THBS3: variants seen among roughly 807,000 people sequenced by gnomAD.
THBS3 encodes the protein thrombospondin 3, also known as thrombospondin-3.
THBS3 carries 78 observed loss-of-function variants against 118.3 expected under a neutral mutation model. The observed-to-expected ratio is 0.66, with a 90% CI of 0.55 to 0.80. The LOEUF (loss-of-function observed/expected upper bound fraction) is 0.80. THBS3 is among the 30% of genes least tolerant of loss of function. The pLI, the probability that THBS3 is intolerant of heterozygous loss-of-function variation, is 0.00. For synonymous variants in THBS3, 427 were observed against 475.3 expected, an observed-to-expected ratio of 0.90 and a Z score of 1.32; for missense variants, 1,057 against 1,247.4, an observed-to-expected ratio of 0.85 and a Z score of 2.30.
rs911465605 is a variant in THBS3 at position 155,197,804 on chromosome 1, C to CT, written c.2302+75dup. The CT allele has an allele frequency of 9.3e-6, 15 of 1,606,278 alleles. No homozygotes were observed. The African/African-American group carries it at 1.7e-4, about 19-fold the overall frequency. On this transcript the variant is annotated intron_variant, in intron 19 of 22. Coordinates refer to ENST00000368378, the MANE Select transcript of THBS3 (RefSeq NM_007112.5). The surrounding 1 kb of genome is among the most constrained non-coding windows in gnomAD (Gnocchi z 5.0). ...TCGCCACTTTGCCCATTCTCCCTGT[C>CT]TGTTTCCTCCCCTACCCTCTGCCCC... is the stretch of plus-strand genomic sequence containing the variant.
Position 155,207,868 on chromosome 1 carries a change from C to T in THBS3, c.9G>A (p.Thr3=), listed in dbSNP as rs1231556663. The change falls in exon 1 of 23, where the codon ACG becomes ACA. Residue 3 remains threonine (T), a synonymous_variant. Transcript: ENST00000368378. ME[T]QELRGALALL... ...GAGCCAGGGCCCCCCGAAGTTCCTG[C>T]GTCTCCATGCCTCTCAGCCGGCTCA... 1 of 1,613,922 alleles carries T rather than the reference C, an allele frequency of 6.2e-7. No individual in the cohort carries two copies. Among genetic ancestry groups the T allele is most frequent in the Non-Finnish European group, 8.5e-7 (1 of 1,179,998 alleles).
chr1:155,203,447 A>C (rs1251186396), intron 5 of THBS3, 66 bp downstream of exon 5: 2 of 1,603,856 alleles, frequency 1.2e-6, no homozygotes, highest in African/African-American at 2.7e-5. Context: ...ACTTAGTTTC[A>C]GGCAGCTGCC....
chr1:155,209,015 G>T, upstream of THBS3: 1 of 1,583,704 alleles, frequency 6.3e-7, no homozygotes, highest in Non-Finnish European at 8.6e-7. Flanking sequence ...CGGGCCGACA[G>T]CGCTGTCCCG....
At position 155,197,210 on chromosome 1, in the gene THBS3, C is replaced by G; in HGVS notation, c.2503G>C (p.Val835Leu). The stretch of plus-strand genomic sequence containing the variant: ...TCACCTGGGCCAGACACTGATGTCA[C>G]TGCCTAGGAGACATTGGCAAAGACA... ...VAQPGLQLKAVTSVSGPGEHL... is the reference protein window; with the variant it reads ...VAQPGLQLKALTSVSGPGEHL... Residue 835 changes from valine (V) to leucine (L), a missense_variant, in exon 21 of 23, where the codon GTG (valine) becomes CTG (leucine). Val to Leu is a conservative substitution (Grantham distance 32). Around this residue, in one of 3 missense-constraint regions of THBS3, gnomAD observed 307 missense variants for 326.1 expected, o/e 0.94. Transcript: ENST00000368378. The surrounding 1 kb of genome is among the most constrained non-coding windows in gnomAD (Gnocchi z 5.0). 6.2e-7 allele frequency: 1 copy of G among 1,614,032 alleles called. No homozygotes were observed. The highest frequency in any genetic ancestry group is 1.1e-5 in the South Asian group (1 of 91,078).
rs1183054535 is a variant in THBS3 at position 155,203,498 on chromosome 1, G to T, written c.673+15C>A. 2 of 1,613,428 alleles carry T rather than the reference G, an allele frequency of 1.2e-6. No individual in the cohort carries two copies. Among genetic ancestry groups the T allele is most frequent in the Non-Finnish European group, 1.7e-6 (2 of 1,179,900 alleles). The stretch of plus-strand genomic sequence containing the variant: ...CTCCCCGCTCCCCGCTTCCGCTTCA[G>T]TGTGGCCTACTCACCTAGAATGGAG... On this transcript the variant is annotated intron_variant, in intron 5 of 22. Transcript: ENST00000368378.
intron 1 of THBS3, 146 bp downstream of exon 1, chr1:155,207,652 A>G: frequency 1.2e-6 from 1 of 805,586 alleles, no homozygotes; most frequent in South Asian, 1.8e-5. Context: ...CCATAATTTC[A>G]CCAACTCTAG....
chr1:155,204,792 A>C (rs772041999), intron 4 of THBS3, 63 bp downstream of exon 4: 5 of 1,430,336 alleles, frequency 3.5e-6, no homozygotes, highest in Non-Finnish European at 3.9e-6. Flanking sequence ...GATCAAGAAG[A>C]CAGGAGTCAC....
In THBS3 at chr1:155,200,616, C is replaced by T; in HGVS notation, c.1549-6G>A. Reference sequence around the variant, plus strand: ...GGGAACAGCCGGCAGTTGTCCTGGGCAGAGGGGTGGGAGGGGAAGGGTCAG... The same window carrying T: ...GGGAACAGCCGGCAGTTGTCCTGGGTAGAGGGGTGGGAGGGGAAGGGTCAG... On this transcript the variant is annotated splice_region_variant and splice_polypyrimidine_tract_variant and intron_variant, in intron 13 of 22. Coordinates refer to ENST00000368378, the MANE Select transcript of THBS3 (RefSeq NM_007112.5). The T allele has an allele frequency of 1.9e-6, 3 of 1,612,388 alleles. No individual in the cohort carries two copies. The highest frequency in any genetic ancestry group is 2.5e-6 in the Non-Finnish European group (3 of 1,178,658).
At position 155,199,870 on chromosome 1, in the gene THBS3, A is replaced by C. The variant is rs1276279179; in HGVS notation, c.1828-14T>G. 2 of 1,614,018 alleles carry C rather than the reference A, an allele frequency of 1.2e-6. No homozygotes were observed. The highest frequency in any genetic ancestry group is 1.7e-6 in the Non-Finnish European group (2 of 1,180,010). On this transcript the variant is annotated splice_polypyrimidine_tract_variant and intron_variant, in intron 15 of 22. Coordinates refer to ENST00000368378, the MANE Select transcript of THBS3 (RefSeq NM_007112.5). ...GTCTGCATCTGTCTGAGAGAGAGGGACCTGTTCTCACCATCTCCTCTTGAT... is the reference window on the plus strand; with the variant it reads ...GTCTGCATCTGTCTGAGAGAGAGGGCCCTGTTCTCACCATCTCCTCTTGAT...
intron 5 of THBS3, 73 bp downstream of exon 5, chr1:155,203,440 T>C: frequency 6.2e-7 from 1 of 1,600,554 alleles, no homozygotes; most frequent in South Asian, 1.1e-5. Flanking sequence ...GAAGAGGACT[T>C]AGTTTCAGGC....
Position 155,201,147 on chromosome 1 carries a change from C to T in THBS3, c.1387G>A (p.Gly463Ser). ...CAGGGCAGTGCTTGGTCTGGGTAGC[C>T]ATCGATGTCTGTGTCAGTCCCACAC... ...NVCGTDTDID[G>S]YPDQALPCMD... The change falls in exon 12 of 23, where the codon GGC becomes AGC. Residue 463 changes from glycine (G) to serine (S), a missense_variant. Gly to Ser is a moderately conservative substitution (Grantham distance 56). Transcript: ENST00000368378. 6.2e-7 allele frequency: 1 copy of T among 1,614,172 alleles called. No individual in the cohort carries two copies. The highest frequency in any genetic ancestry group is 1.1e-5 in the South Asian group (1 of 91,082).
Position 155,206,473 on chromosome 1 carries a change from C to A in THBS3, c.80-67G>T. 2.2e-6 allele frequency: 3 copies of A among 1,370,156 alleles called. No individual in the cohort carries two copies. The South Asian group carries it at 3.7e-5, about 17-fold the overall frequency. The allele number at this position is 1,370,156 out of a possible 1,614,324, so 84.9% of individuals were successfully genotyped here. A position where few individuals can be genotyped will look rare whatever the true frequency, so the allele number is the denominator to read the frequency against. On this transcript the variant is annotated intron_variant, in intron 1 of 22. Transcript: ENST00000368378. The surrounding 1 kb of genome is among the most constrained non-coding windows in gnomAD (Gnocchi z 4.2). Reference sequence around the variant, plus strand: ...ATGCTAAGGTATGCCCTCCCCCGAGCCCACATCACCCCCTACCCCCACCAC... The same window carrying A: ...ATGCTAAGGTATGCCCTCCCCCGAGACCACATCACCCCCTACCCCCACCAC...
At chr1:155,199,392 A>G (rs1176388244) in intron 16 of THBS3, among the ~76,000 whole-genome samples, 1 of 147,934 alleles carries the variant, frequency 6.8e-6, no homozygotes, top group Non-Finnish European at 1.5e-5. Flanking sequence ...CCTGGGCGAC[A>G]GAGCAAGACT....
intron 12 of THBS3, 23 bp downstream of exon 12, chr1:155,201,071 C>T (rs1669639234): frequency 6.2e-7 from 1 of 1,614,208 alleles, no homozygotes; most frequent in Non-Finnish European, 8.5e-7. Flanking sequence ...CACTACGCCC[C>T]CTTGCCCGCC....
intron 22 of THBS3, 36 bp downstream of exon 22, chr1:155,195,951 A>T: frequency 1.2e-6 from 2 of 1,614,226 alleles, no homozygotes; most frequent in Non-Finnish European, 1.7e-6. Flanking sequence ...CCCACAAGGC[A>T]TGAAGGATTA....
In THBS3 at chr1:155,198,359, C is replaced by A. The variant is rs780192799; in HGVS notation, c.2074+50G>T. On this transcript the variant is annotated intron_variant, in intron 17 of 22. Coordinates refer to ENST00000368378, the MANE Select transcript of THBS3 (RefSeq NM_007112.5). ...TTCCCAACAGGGCTTGCTGCCTCCA[C>A]CTGGGCAAAGGCAACACCAGTCTAA... 8 of 1,594,958 alleles carry A rather than the reference C, an allele frequency of 5.0e-6. No homozygotes were observed. The East Asian group carries it at 1.6e-4, about 31-fold the overall frequency.
intron 21 of THBS3, 74 bp from the exon 22 acceptor site, chr1:155,196,200 G>T: frequency 2.6e-6 from 4 of 1,561,294 alleles, no homozygotes; most frequent in Non-Finnish European, 3.5e-6. Flanking sequence ...CATGCCTGGG[G>T]CCTTGCTTTT....
In THBS3 at chr1:155,197,228, C is replaced by A. The variant is rs767230184; in HGVS notation, c.2500-15G>T. 1 of 1,609,272 alleles carries A rather than the reference C, an allele frequency of 6.2e-7. No homozygotes were observed. Among genetic ancestry groups the A allele is most frequent in the South Asian group, 1.1e-5 (1 of 90,986 alleles). ...GATGTCACTGCCTAGGAGACATTGG[C>A]AAAGACAGTGGGTCAACTGCAGAAC... On this transcript the variant is annotated splice_polypyrimidine_tract_variant and intron_variant, in intron 20 of 22. Transcript: ENST00000368378. This position sits in a 1 kb window ranked among gnomAD's most constrained non-coding sequence, Gnocchi z 5.0.
At chr1:155,198,776 T>G (rs1669129453) in intron 16 of THBS3, 174 bp from the exon 17 acceptor site, 2 of 607,600 alleles carry the variant, frequency 3.3e-6, no homozygotes, top group African/African-American at 3.7e-5. Flanking sequence ...AAGAATAAAT[T>G]CCTGCTGAAT....
Sources: gnomAD v4.1 joint callset for allele counts (sites outside exome capture counted in the v4.1 genomes callset) on GRCh38, gnomAD v4.1.1 for gene constraint, gnomAD v4.1.1 regional missense constraint, Gnocchi (gnomAD v3.1) non-coding constraint, MANE v1.5 for transcripts, NCBI Gene and HGNC (gene_info 2026-07-23, HGNC 2026-07-21) for gene names.